Variants in ADARB2 observed in about 807,000 individuals in gnomAD.
ADARB2 encodes inactive double-stranded RNA-specific editase B2.
ADARB2 carries 25 observed loss-of-function variants against 62.2 expected under a neutral mutation model. The observed-to-expected ratio is 0.40, with a 90% CI of 0.29 to 0.56. The LOEUF is 0.56. Ranked by LOEUF, ADARB2 falls within the 20% of genes least tolerant of loss-of-function variation. ADARB2 has a pLI of 0.43. For missense variants in ADARB2, 1,071 were observed against 1,077.4 expected (o/e 0.99, Z 0.08); for synonymous variants, 572 against 500.8 (o/e 1.14, Z -1.90).
At chr10:1,476,590 G>A (rs1426322719) in intron 1 of ADARB2, among the ~76,000 whole-genome samples, 1 of 152,202 alleles carries the variant, frequency 6.6e-6, no homozygotes, top group Non-Finnish European at 1.5e-5. Context: ...CGGGGGAGCT[G>A]AGGTGAGGTT....
chr10:1,726,509 C>T (rs1835165983), intron 1 of ADARB2, among the ~76,000 whole-genome samples: 1 of 152,140 alleles, frequency 6.6e-6, no homozygotes, highest in Non-Finnish European at 1.5e-5. Flanking sequence ...CTATGGATGA[C>T]TCTGTAAATC....
At chr10:1,233,026 C>T (rs1830824416) in intron 6 of ADARB2, among the ~76,000 whole-genome samples, 1 of 151,932 alleles carries the variant, frequency 6.6e-6, no homozygotes, top group Non-Finnish European at 1.5e-5. Flanking sequence ...GAGGAGTTTC[C>T]CTGAAGCACC....
At chr10:1,598,053 G>C (rs1833356409) in intron 1 of ADARB2, among the ~76,000 whole-genome samples, 1 of 152,242 alleles carries the variant, frequency 6.6e-6, no homozygotes, top group South Asian at 2.1e-4. Flanking sequence ...TGACTTGTAA[G>C]TAAGAGCTAA....
chr10:1,328,018 G>C (rs1831892368), intron 3 of ADARB2, among the ~76,000 whole-genome samples: 1 of 58,618 alleles, frequency 1.7e-5, no homozygotes, highest in Non-Finnish European at 4.2e-5. Flanking sequence ...CGCATTCTGG[G>C]GGCACGGATT....
chr10:1,514,178 A>AATACATATATATATATATATAT (rs1554767853), intron 1 of ADARB2, among the ~76,000 whole-genome samples: 1 of 94,158 alleles, frequency 1.1e-5, no homozygotes, highest in East Asian at 4.1e-4. Flanking sequence ...GCTGTCTCAA[A>AATACATATATATATATATATAT]ATATATATAT....
Position 1,469,065 on chromosome 10 carries a change from C to T in ADARB2, c.101-89905G>A, listed in dbSNP as rs181165145. Among the ~76,000 whole-genome samples the T allele has an allele frequency of 2.6e-5, 4 of 152,286 alleles. No homozygotes were observed. The East Asian group carries it at 7.7e-4, about 29-fold the overall frequency. On this transcript the variant is annotated intron_variant, in intron 1 of 9. Coordinates refer to ENST00000381312, the MANE Select transcript of ADARB2 (RefSeq NM_018702.4). ...TCGCTACCCAGTCTGTTCAGATTGCCCTCTAGGAATTGGAAACGGCCCCCA... is the reference window on the plus strand; with the variant it reads ...TCGCTACCCAGTCTGTTCAGATTGCTCTCTAGGAATTGGAAACGGCCCCCA...
chr10:1,247,367 T>C (rs138047087), intron 4 of ADARB2, among the ~76,000 whole-genome samples: 1,753 of 152,340 alleles, frequency 0.012, 15 homozygotes, highest in Non-Finnish European at 0.019. Flanking sequence ...CAACACTATG[T>C]TGAATAGGAG....
chr10:1,541,468 G>A (rs1832425808), intron 1 of ADARB2, among the ~76,000 whole-genome samples: 1 of 83,872 alleles, frequency 1.2e-5, no homozygotes, highest in African/African-American at 6.4e-5. Flanking sequence ...ACCCCACTCA[G>A]ACGCAGTTCA....
At chr10:1,411,848 T>C (rs1027588192) in intron 1 of ADARB2, among the ~76,000 whole-genome samples, 4 of 152,252 alleles carry the variant, frequency 2.6e-5, no homozygotes, top group African/African-American at 4.8e-5. Context: ...AAAAGCTATT[T>C]TGTTTCTCTG....
At chr10:1,686,226 CT>C (rs1176746457) in intron 1 of ADARB2, among the ~76,000 whole-genome samples, 2 of 152,238 alleles carry the variant, frequency 1.3e-5, no homozygotes, top group Non-Finnish European at 2.9e-5. Flanking sequence ...GGCCATCGAT[CT>C]GCAGGGGCAG....
chr10:1,601,519 TTG>T lies in ADARB2; in HGVS notation c.100+135530_100+135531del, dbSNP rs1350780850. Among the ~76,000 whole-genome samples the T allele has an allele frequency of 2.6e-5, 4 of 152,364 alleles. No homozygotes were observed. In the East Asian group the frequency reaches 7.7e-4, roughly 29 times the overall value. ...AAAAAATAAACACCGATCTTAGCTA[TTG>T]TGTCTTAGCCAGAGAGCTGGCCTCA... On this transcript the variant is annotated intron_variant, in intron 1 of 9. Coordinates refer to ENST00000381312, the MANE Select transcript of ADARB2 (RefSeq NM_018702.4).
At chr10:1,314,967 T>C (rs1037987437) in intron 3 of ADARB2, among the ~76,000 whole-genome samples, 3 of 152,154 alleles carry the variant, frequency 2.0e-5, no homozygotes, top group African/African-American at 7.2e-5. Context: ...GCAGAGGGTG[T>C]CAGCCGCACT....
intron 1 of ADARB2, among the ~76,000 whole-genome samples, chr10:1,405,746 C>T (rs1328001799): frequency 1.3e-5 from 2 of 152,072 alleles, no homozygotes; most frequent in Admixed American, 1.3e-4. Flanking sequence ...AAGATACACC[C>T]ATTTATTAAA....
chr10:1,480,663 A>G (rs1051780549), intron 1 of ADARB2, among the ~76,000 whole-genome samples: 1 of 82,094 alleles, frequency 1.2e-5, no homozygotes, highest in African/African-American at 4.1e-5. Context: ...GTGCCCCTGC[A>G]CTCCAACCTG....
intron 1 of ADARB2, among the ~76,000 whole-genome samples, chr10:1,620,661 A>G (rs1204150274): frequency 6.6e-6 from 1 of 152,250 alleles, no homozygotes; most frequent in African/African-American, 2.4e-5. Flanking sequence ...GCACAAAAAT[A>G]TCACAAAAAG....
intron 1 of ADARB2, among the ~76,000 whole-genome samples, chr10:1,471,879 C>A (rs61712005): frequency 2.0e-5 from 3 of 152,052 alleles, no homozygotes; most frequent in Non-Finnish European, 4.4e-5. Context: ...AGGAGAGAAC[C>A]TTGTCTCACC....
intron 3 of ADARB2, among the ~76,000 whole-genome samples, chr10:1,350,734 TA>T (rs1384673242): frequency 6.6e-6 from 1 of 152,142 alleles, no homozygotes; most frequent in African/African-American, 2.4e-5. Flanking sequence ...AAGGTCATCT[TA>T]TTCTCAATAT....
intron 1 of ADARB2, among the ~76,000 whole-genome samples, chr10:1,551,170 G>A (rs1433920450): frequency 6.6e-6 from 1 of 152,196 alleles, no homozygotes; most frequent in Non-Finnish European, 1.5e-5. Flanking sequence ...GGAGGACCCT[G>A]TGAGGACACA....
At position 1,704,477 on chromosome 10, in the gene ADARB2, A is replaced by G. The variant is rs114457878; in HGVS notation, c.100+32574T>C. ...AGGATCCCCACTCCTATAGGAATCTAATGCCACTGTGACCTGACAGAAGGC... is the reference window on the plus strand; with the variant it reads ...AGGATCCCCACTCCTATAGGAATCTGATGCCACTGTGACCTGACAGAAGGC... On this transcript the variant is annotated intron_variant, in intron 1 of 9. Transcript: ENST00000381312. This position sits in a 1 kb window ranked among gnomAD's most constrained non-coding sequence, Gnocchi z 5.6. Among the ~76,000 whole-genome samples, 1 of 152,174 alleles carries G rather than the reference A, an allele frequency of 6.6e-6. No individual in the cohort carries two copies. Among genetic ancestry groups the G allele is most frequent in the African/African-American group, 2.4e-5 (1 of 41,426 alleles).
Sources: gnomAD v4.1 joint callset for allele counts (sites outside exome capture counted in the v4.1 genomes callset) on GRCh38, gnomAD v4.1.1 for gene constraint, Gnocchi (gnomAD v3.1) non-coding constraint, MANE v1.5 for transcripts, NCBI Gene and HGNC (gene_info 2026-07-23, HGNC 2026-07-21) for gene names.